Variants in TSPAN9 observed in about 807,000 individuals in gnomAD.
TSPAN9 encodes the protein tetraspanin 9.
A neutral mutation model predicts 31.0 loss-of-function variants in TSPAN9; 16 were observed. That is an observed-to-expected ratio of 0.52 (90% CI 0.35 to 0.78). The LOEUF (loss-of-function observed/expected upper bound fraction) is 0.78. Ranked by LOEUF, TSPAN9 falls within the 30% of genes least tolerant of loss-of-function variation. The pLI is 0.01. For missense variants in TSPAN9, 272 were observed against 312.5 expected, an observed-to-expected ratio of 0.87 and a Z score of 0.98; for synonymous variants, 145 against 121.6, an observed-to-expected ratio of 1.19 and a Z score of -1.27.
intron 2 of TSPAN9, among the ~76,000 whole-genome samples, chr12:3,198,410 GT>G (rs2098368616): frequency 3.0e-5 from 2 of 67,554 alleles, no homozygotes; most frequent in Admixed American, 2.0e-4. Flanking sequence ...ACCAGCACAG[GT>G]CACACCAGCA....
intron 2 of TSPAN9, among the ~76,000 whole-genome samples, chr12:3,123,906 G>A (rs1455752414): frequency 6.6e-6 from 1 of 152,176 alleles, no homozygotes; most frequent in Admixed American, 6.5e-5. Context: ...TGTTGATGAA[G>A]GATGAGAGGT....
chr12:3,091,339 C>T (rs181592077), intron 2 of TSPAN9, among the ~76,000 whole-genome samples: 1 of 152,386 alleles, frequency 6.6e-6, no homozygotes, highest in East Asian at 1.9e-4. Flanking sequence ...GACACCGTGA[C>T]TTCCCGCAAG....
intron 3 of TSPAN9, among the ~76,000 whole-genome samples, chr12:3,212,612 A>G (rs925222720): frequency 4.6e-5 from 7 of 152,052 alleles, no homozygotes; most frequent in African/African-American, 1.4e-4. Flanking sequence ...ACCCTCCCCC[A>G]GGGTTCAGCT....
At chr12:3,213,889 G>A (rs936332372) in intron 3 of TSPAN9, among the ~76,000 whole-genome samples, 11 of 152,222 alleles carry the variant, frequency 7.2e-5, no homozygotes, top group African/African-American at 4.8e-5. Flanking sequence ...GGATCCTGGG[G>A]TGCCTGGCCA....
At chr12:3,092,649 A>G (rs183057361) in intron 2 of TSPAN9, among the ~76,000 whole-genome samples, 1 of 152,246 alleles carries the variant, frequency 6.6e-6, no homozygotes, top group East Asian at 1.9e-4. Context: ...GACACACCTA[A>G]TTTGACATAA....
intron 3 of TSPAN9, among the ~76,000 whole-genome samples, chr12:3,226,744 GTATATATATA>G (rs869054494): frequency 1.1e-3 from 3 of 2,856 alleles, no homozygotes; most frequent in African/African-American, 2.5e-3. Flanking sequence ...GTGTGTGTGT[GTATATATATA>G]TATATATATA....
At chr12:3,136,685 G>A (rs573968612) in intron 2 of TSPAN9, among the ~76,000 whole-genome samples, 1 of 152,300 alleles carries the variant, frequency 6.6e-6, no homozygotes, top group Admixed American at 6.5e-5. Context: ...CAAACCCTCT[G>A]TAAGAGGAAC....
chr12:3,251,477 G>GTTCTT (rs1862243367), intron 3 of TSPAN9, among the ~76,000 whole-genome samples: 1 of 146,872 alleles, frequency 6.8e-6, no homozygotes. Context: ...TTCAAAAGTT[G>GTTCTT]ATTTCTGATT....
chr12:3,153,850 G>A (rs1369389365), intron 2 of TSPAN9, among the ~76,000 whole-genome samples: 1 of 146,002 alleles, frequency 6.8e-6, no homozygotes, highest in African/African-American at 2.5e-5. Flanking sequence ...ATATATATGT[G>A]TGTGTGTGTG....
At chr12:3,267,174 G>C (rs1862552539) in intron 3 of TSPAN9, among the ~76,000 whole-genome samples, 1 of 152,188 alleles carries the variant, frequency 6.6e-6, no homozygotes, top group South Asian at 2.1e-4. Flanking sequence ...TCGCCATCCT[G>C]AAGAATGAGT....
intron 3 of TSPAN9, among the ~76,000 whole-genome samples, chr12:3,247,065 C>T (rs918185341): frequency 7.2e-5 from 11 of 152,180 alleles, no homozygotes; most frequent in African/African-American, 2.7e-4. Flanking sequence ...AGAAGAGGAG[C>T]AACGTACTGT....
intron 3 of TSPAN9, among the ~76,000 whole-genome samples, chr12:3,229,840 G>T (rs1267291534): frequency 6.6e-6 from 1 of 152,226 alleles, no homozygotes; most frequent in African/African-American, 2.4e-5. Context: ...CTCTCTGGCA[G>T]GCAGGCATGG....
intron 2 of TSPAN9, among the ~76,000 whole-genome samples, chr12:3,123,712 A>G (rs751055437): frequency 6.6e-6 from 1 of 151,638 alleles, no homozygotes; most frequent in Non-Finnish European, 1.5e-5. Context: ...TGCATTACCT[A>G]CCTTAATCCT....
At chr12:3,127,529 G>C (rs1179671222) in intron 2 of TSPAN9, among the ~76,000 whole-genome samples, 1 of 151,926 alleles carries the variant, frequency 6.6e-6, no homozygotes, top group African/African-American at 2.4e-5. Flanking sequence ...CTAATTTTTT[G>C]TATTTTTAGT....
intron 3 of TSPAN9, among the ~76,000 whole-genome samples, chr12:3,222,956 T>C (rs1430323311): frequency 6.6e-6 from 1 of 151,146 alleles, no homozygotes; most frequent in Non-Finnish European, 1.5e-5. Flanking sequence ...GGAAAGTGCC[T>C]ATCAGGCTAA....
intron 2 of TSPAN9, among the ~76,000 whole-genome samples, chr12:3,189,976 G>A (rs1428665424): frequency 1.3e-5 from 2 of 152,202 alleles, no homozygotes; most frequent in East Asian, 1.9e-4. Context: ...CTCTATCAGC[G>A]AGAGTGGAAC....
intron 2 of TSPAN9, among the ~76,000 whole-genome samples, chr12:3,098,959 G>C (rs536797029): frequency 6.6e-6 from 1 of 152,146 alleles, no homozygotes; most frequent in South Asian, 2.1e-4. Context: ...CACCATGTTG[G>C]CCAGGCTGGT....
intron 3 of TSPAN9, among the ~76,000 whole-genome samples, chr12:3,262,152 A>G (rs768151908): frequency 6.6e-6 from 1 of 152,234 alleles, no homozygotes; most frequent in Non-Finnish European, 1.5e-5. Flanking sequence ...CGCCACGTGG[A>G]TGGCAGTGGC....
chr12:3,269,435 C>T (rs5018181), intron 3 of TSPAN9, among the ~76,000 whole-genome samples: 18 of 60,424 alleles, frequency 3.0e-4, no homozygotes, highest in Middle Eastern at 0.017. Flanking sequence ...GCCTGCCCTC[C>T]CTGTGTTCCT....
Sources: allele counts gnomAD v4.1 joint callset (sites outside exome capture counted in the v4.1 genomes callset), GRCh38; gene constraint gnomAD v4.1.1; transcripts MANE v1.5; gene names NCBI Gene and HGNC (gene_info 2026-07-23, HGNC 2026-07-21).